XKR4: variants seen among roughly 807,000 people sequenced by gnomAD.
The protein encoded by XKR4 is XK related 4, also known as XK-related protein 4.
A neutral mutation model predicts 53.9 loss-of-function variants in XKR4; 12 were observed. That is an observed-to-expected ratio of 0.22 (90% confidence interval 0.14 to 0.36). XKR4 has a LOEUF of 0.36. Ranked by LOEUF, XKR4 falls within the 10% of genes least tolerant of loss-of-function variation. The pLI is 1.00. For synonymous variants in XKR4, 354 were observed against 362.4 expected (o/e 0.98, Z 0.26); for missense variants, 799 against 859.5 (o/e 0.93, Z 0.88).
intron 1 of XKR4, among the ~76,000 whole-genome samples, chr8:55,146,665 G>A (rs962769243): frequency 6.6e-6 from 1 of 152,214 alleles, no homozygotes; most frequent in African/African-American, 2.4e-5. Context: ...TCTTTTTCAT[G>A]TCTTTTAAAG....
At chr8:55,265,704 G>A (rs1003493206) in intron 1 of XKR4, among the ~76,000 whole-genome samples, 1 of 152,052 alleles carries the variant, frequency 6.6e-6, no homozygotes, top group Non-Finnish European at 1.5e-5. Context: ...TCCTGGCTGG[G>A]CACGATGGCT....
chr8:55,304,087 C>T (rs925725279), intron 1 of XKR4, among the ~76,000 whole-genome samples: 7 of 151,902 alleles, frequency 4.6e-5, no homozygotes, highest in African/African-American at 1.5e-4. Flanking sequence ...TTAATTGTGA[C>T]GTTAGGGTGT....
chr8:55,465,173 T>G (rs145624096), intron 2 of XKR4, among the ~76,000 whole-genome samples: 2,109 of 152,174 alleles, frequency 0.014, 60 homozygotes, highest in African/African-American at 0.049. Flanking sequence ...AAGCCTGCAT[T>G]GCCAAGTCAA....
chr8:55,453,989 C>A, intron 2 of XKR4: 1 of 831,988 alleles, frequency 1.2e-6, no homozygotes, highest in Non-Finnish European at 2.0e-6. Flanking sequence ...CTTATGGAAG[C>A]GGATGACAGG....
At chr8:55,220,990 A>G (rs1312842004) in intron 1 of XKR4, among the ~76,000 whole-genome samples, 2 of 152,216 alleles carry the variant, frequency 1.3e-5, no homozygotes, top group Admixed American at 1.3e-4. Flanking sequence ...CCTGCAATCC[A>G]TGTCCAATGA....
At chr8:55,398,393 T>A (rs190904959) in intron 2 of XKR4, among the ~76,000 whole-genome samples, 2 of 152,334 alleles carry the variant, frequency 1.3e-5, no homozygotes, top group African/African-American at 4.8e-5. Context: ...GGGTTGTCAT[T>A]CTGCAGATAT....
intron 2 of XKR4, among the ~76,000 whole-genome samples, chr8:55,407,648 C>T (rs758569491): frequency 3.3e-5 from 5 of 152,230 alleles, no homozygotes; most frequent in Non-Finnish European, 7.3e-5. Flanking sequence ...CTCTGAGCCT[C>T]TCCAGGGTTC....
chr8:55,184,122 TA>T (rs943701313), intron 1 of XKR4, among the ~76,000 whole-genome samples: 300 of 151,942 alleles, frequency 2.0e-3, no homozygotes, highest in African/African-American at 6.6e-3. Context: ...AGCAATATAT[TA>T]AAAAAAAATT....
At chr8:55,253,968 G>A (rs1433444970) in intron 1 of XKR4, among the ~76,000 whole-genome samples, 1 of 151,806 alleles carries the variant, frequency 6.6e-6, no homozygotes, top group African/African-American at 2.4e-5. Flanking sequence ...CGCTTCACCT[G>A]CCTGGCCCCC....
chr8:55,282,193 G>C (rs748487440), intron 1 of XKR4, among the ~76,000 whole-genome samples: 4 of 152,136 alleles, frequency 2.6e-5, no homozygotes, highest in Non-Finnish European at 4.4e-5. Flanking sequence ...CATCTCATTT[G>C]ACTACGGACC....
In XKR4 at chr8:55,204,485, CAA is replaced by C. The variant is rs370136716; in HGVS notation, c.806+101193_806+101194del. On this transcript the variant is annotated intron_variant, in intron 1 of 2. Transcript: ENST00000327381. ...ATTCTGAAGCACAAAAGTTCCTTGACAAAGAGTATAAATATTTGTGAGTGTTG... is the reference window on the plus strand; with the variant it reads ...ATTCTGAAGCACAAAAGTTCCTTGACAGAGTATAAATATTTGTGAGTGTTG... 7.0e-4 allele frequency among the ~76,000 whole-genome samples: 106 copies of C among 152,288 alleles called. 1 individual carries two copies. Among genetic ancestry groups the C allele is most frequent in the African/African-American group, 2.5e-3 (102 of 41,554 alleles).
intron 1 of XKR4, among the ~76,000 whole-genome samples, chr8:55,114,908 A>C (rs953675650): frequency 2.0e-5 from 3 of 152,220 alleles, no homozygotes; most frequent in African/African-American, 7.2e-5. Flanking sequence ...AGGAAAATGC[A>C]TTAAAATAAT....
intron 1 of XKR4, among the ~76,000 whole-genome samples, chr8:55,252,521 G>T (rs916444364): frequency 5.3e-5 from 8 of 152,186 alleles, no homozygotes; most frequent in Admixed American, 5.2e-4. Context: ...GACGCCGCCC[G>T]ACCTTGATTC....
intron 1 of XKR4, among the ~76,000 whole-genome samples, chr8:55,185,950 A>G (rs976024400): frequency 2.0e-5 from 3 of 152,182 alleles, no homozygotes; most frequent in African/African-American, 7.2e-5. Context: ...ATATACCAAA[A>G]CCTAAAATTG....
intron 1 of XKR4, among the ~76,000 whole-genome samples, chr8:55,253,324 GATATGCTTCTT>G (rs1381812415): frequency 6.6e-6 from 1 of 152,106 alleles, no homozygotes; most frequent in Non-Finnish European, 1.5e-5. Context: ...TTGCTTTCCT[GATATGCTTCTT>G]TACAAAGACG....
chr8:55,302,435 C>T (rs1023014305), intron 1 of XKR4, among the ~76,000 whole-genome samples: 74 of 152,260 alleles, frequency 4.9e-4, no homozygotes, highest in African/African-American at 1.6e-3. Context: ...AGCATGATGC[C>T]TCCAGCTTTG....
chr8:55,248,352 A>T (rs1818318082), intron 1 of XKR4, among the ~76,000 whole-genome samples: 2 of 152,196 alleles, frequency 1.3e-5, no homozygotes, highest in Admixed American at 1.3e-4. Flanking sequence ...TCTGTTCTGT[A>T]ATTTAGTTTC....
At chr8:55,480,013 T>A (rs192064908) in intron 2 of XKR4, among the ~76,000 whole-genome samples, 109 of 143,696 alleles carry the variant, frequency 7.6e-4, no homozygotes, top group African/African-American at 3.0e-3. Flanking sequence ...ACTATTCCAA[T>A]CAATAGAAAA....
chr8:55,152,670 T>TTC (rs1554563719), intron 1 of XKR4, among the ~76,000 whole-genome samples: 1 of 151,874 alleles, frequency 6.6e-6, no homozygotes, highest in Non-Finnish European at 1.5e-5. Context: ...TACTAATGCT[T>TTC]TGTGAAGCTG....
Sources: gnomAD v4.1 joint callset for allele counts (sites outside exome capture counted in the v4.1 genomes callset) on GRCh38, gnomAD v4.1.1 for gene constraint, MANE v1.5 for transcripts, NCBI Gene and HGNC (gene_info 2026-07-23, HGNC 2026-07-21) for gene names.